OTOG: variants seen among roughly 807,000 people sequenced by gnomAD.
OTOG encodes otogelin.
A neutral mutation model predicts 313.8 loss-of-function variants in OTOG; 296 were observed. The observed-to-expected ratio is 0.94, with a 90% CI of 0.86 to 1.04. The LOEUF (loss-of-function observed/expected upper bound fraction) is 1.04, where lower values mean the gene tolerates loss of function less well. OTOG is among the 50% of genes least tolerant of loss of function. The pLI is 0.00. For synonymous variants in OTOG, 1,533 were observed against 1,554.9 expected, an observed-to-expected ratio of 0.99 and a Z score of 0.33; for missense variants, 3,948 against 3,840.1, an observed-to-expected ratio of 1.03 and a Z score of -0.74.
chr11:17,548,338 A>G lies in OTOG; in HGVS notation c.216+126A>G, dbSNP rs58569858. 88,907 of 659,018 alleles carry G rather than the reference A, an allele frequency of 0.13. 6,876 individuals are homozygous for G. The highest frequency in any genetic ancestry group is 0.29 in the South Asian group (8,852 of 30,894). 40.8% of individuals were successfully genotyped at this position (659,018 alleles called of 1,614,324 possible). On this transcript the variant is annotated intron_variant, in intron 3 of 55. Coordinates refer to ENST00000399397, the MANE Select transcript of OTOG (RefSeq NM_001292063.2). Reference sequence around the variant, plus strand: ...GAGTTGTTCAGAAAGGAACAAGCAGATTCCTGGTATGTGTCTGAGGTGTGC... The same window carrying G: ...GAGTTGTTCAGAAAGGAACAAGCAGGTTCCTGGTATGTGTCTGAGGTGTGC...
intron 16 of OTOG, 53 bp from the exon 17 acceptor site, chr11:17,570,160 C>T (rs1590008095): frequency 4.8e-6 from 7 of 1,461,830 alleles, no homozygotes; most frequent in South Asian, 3.8e-5. Context: ...TGGTGGTGGG[C>T]GGGGTGTGTA....
At chr11:17,637,100 T>C (rs1329823490) in intron 47 of OTOG, among the ~76,000 whole-genome samples, 1 of 152,118 alleles carries the variant, frequency 6.6e-6, no homozygotes, top group African/African-American at 2.4e-5. Flanking sequence ...AAAATGAAAA[T>C]ACCACCTTCC....
intron 39 of OTOG, among the ~76,000 whole-genome samples, chr11:17,625,755 T>C (rs1565123944): frequency 6.6e-6 from 1 of 152,262 alleles, no homozygotes; most frequent in Non-Finnish European, 1.5e-5. Flanking sequence ...ATGGGTTGTC[T>C]CTTCACTTTG....
chr11:17,574,127 T>C (rs984290015), intron 19 of OTOG, among the ~76,000 whole-genome samples: 1 of 152,152 alleles, frequency 6.6e-6, no homozygotes, highest in African/African-American at 2.4e-5. Flanking sequence ...ACAGCTGAAC[T>C]GGATGGTCTC....
chr11:17,593,274 T>A lies in OTOG; in HGVS notation c.3088T>A (p.Ser1030Thr), dbSNP rs1852995147. Reference protein sequence around the residue: ...SSGMICRKFISINVGNSLIVF... With the variant: ...SSGMICRKFITINVGNSLIVF... The stretch of plus-strand genomic sequence containing the variant: ...TGGCATGATCTGCAGGAAATTTATT[T>A]CCATCAACGTTGGGAACTCACTCAT... Residue 1030 changes from serine (S) to threonine (T), a missense_variant, in exon 26 of 56, where the codon TCC becomes ACC. Ser to Thr is a moderately conservative substitution (Grantham distance 58). Transcript: ENST00000399397. 6.4e-7 allele frequency: 1 copy of A among 1,550,470 alleles called. No individual in the cohort carries two copies. Among genetic ancestry groups the A allele is most frequent in the African/African-American group, 1.4e-5 (1 of 73,046 alleles).
intron 5 of OTOG, 73 bp from the exon 6 acceptor site, chr11:17,553,292 G>A: frequency 6.6e-7 from 1 of 1,514,808 alleles, no homozygotes; most frequent in Non-Finnish European, 8.9e-7. Flanking sequence ...GCACTTCCAG[G>A]GCTGGAACCC....
intron 43 of OTOG, 90 bp downstream of exon 43, chr11:17,633,964 T>C: frequency 1.4e-6 from 2 of 1,479,232 alleles, no homozygotes; most frequent in Admixed American, 2.1e-5. Context: ...ATCTGCATCC[T>C]TTCAGGTCTG....
At chr11:17,613,536 A>G in intron 38 of OTOG, 76 bp from the exon 39 acceptor site, 4 of 1,256,744 alleles carry the variant, frequency 3.2e-6, no homozygotes, top group East Asian at 2.5e-5. Flanking sequence ...CTGTACTCAC[A>G]TTTGCTGTGC....
intron 24 of OTOG, among the ~76,000 whole-genome samples, chr11:17,589,535 C>A (rs953270916): frequency 2.0e-5 from 3 of 152,186 alleles, no homozygotes; most frequent in African/African-American, 4.8e-5. Context: ...CTAAGGGAAC[C>A]ACTGCAGCAT....
chr11:17,643,086 G>A (rs1848006961), intron 53 of OTOG, among the ~76,000 whole-genome samples: 1 of 152,218 alleles, frequency 6.6e-6, no homozygotes, highest in Admixed American at 6.5e-5. Context: ...ATTTGTCCAG[G>A]GCTGAGGTAG....
chr11:17,600,347 T>C (rs1853218865), intron 31 of OTOG, among the ~76,000 whole-genome samples: 1 of 152,192 alleles, frequency 6.6e-6, no homozygotes, highest in South Asian at 2.1e-4. Flanking sequence ...TTCATCCAGT[T>C]GGGCCAGGGT....
At chr11:17,548,275 C>G in intron 3 of OTOG, 63 bp downstream of exon 3, 1 of 1,414,290 alleles carries the variant, frequency 7.1e-7, no homozygotes, top group Non-Finnish European at 9.5e-7. Context: ...GGATCTGAGG[C>G]TGGCAGGGAG....
At chr11:17,575,018 C>T in intron 20 of OTOG, 106 bp downstream of exon 20, 1 of 1,160,984 alleles carries the variant, frequency 8.6e-7, no homozygotes, top group Non-Finnish European at 1.2e-6. Flanking sequence ...GTCCCTCCTT[C>T]CCCTCACAGT....
At chr11:17,561,927 C>A in intron 15 of OTOG, 120 bp downstream of exon 15, 1 of 1,265,328 alleles carries the variant, frequency 7.9e-7, no homozygotes, top group Non-Finnish European at 1.1e-6. Context: ...GCTGCCTCTT[C>A]TCTCTGGGGA....
chr11:17,603,338 G>A (rs1348363670), intron 32 of OTOG, among the ~76,000 whole-genome samples: 6 of 152,184 alleles, frequency 3.9e-5, no homozygotes, highest in Non-Finnish European at 7.3e-5. Context: ...GCCTGACGAA[G>A]GGTGTCTCAC....
chr11:17,601,225 C>T (rs1290420213), intron 31 of OTOG, among the ~76,000 whole-genome samples: 2 of 152,154 alleles, frequency 1.3e-5, no homozygotes, highest in Non-Finnish European at 2.9e-5. Context: ...TGGTGTGTGC[C>T]ATGCTCCAAG....
chr11:17,552,569 C>T (rs202123881), intron 4 of OTOG, among the ~76,000 whole-genome samples: 84 of 95,882 alleles, frequency 8.8e-4, no homozygotes, highest in African/African-American at 2.1e-3. Context: ...CCTGTGTCCC[C>T]CACCTGTCCT....
At chr11:17,562,192 C>T (rs1002889346) in intron 15 of OTOG, among the ~76,000 whole-genome samples, 2 of 140,318 alleles carry the variant, frequency 1.4e-5, no homozygotes, top group East Asian at 2.0e-4. Context: ...GAGCCGAGAT[C>T]GTGCCACTGC....
rs563245961 is a variant in OTOG at position 17,635,505 on chromosome 11, C to T, written c.7694-105C>T. ...ATGCGATGCTGCCATTAGTTAGCTC[C>T]TGCCACACCTGGGTTGTTGAGGAGG... On this transcript the variant is annotated intron_variant, in intron 46 of 55. Transcript: ENST00000399397. 136 of 843,584 alleles carry T rather than the reference C, an allele frequency of 1.6e-4. 3 individuals are homozygous for T. In the South Asian group the frequency reaches 2.0e-3, roughly 12 times the overall value. 52.3% of individuals were successfully genotyped at this position (843,584 alleles called of 1,614,324 possible). A position where few individuals can be genotyped will look rare whatever the true frequency, so the allele number is the denominator to read the frequency against.
Sources: gnomAD v4.1 joint callset for allele counts (sites outside exome capture counted in the v4.1 genomes callset) on GRCh38, gnomAD v4.1.1 for gene constraint, MANE v1.5 for transcripts, NCBI Gene and HGNC (gene_info 2026-07-23, HGNC 2026-07-21) for gene names.